OPCML: variants seen among roughly 807,000 people sequenced by gnomAD.
OPCML encodes opioid binding protein/cell adhesion molecule like.
In OPCML, 13 loss-of-function variants were observed where a neutral mutation model predicts 37.8. The observed-to-expected ratio is 0.34, with a 90% CI of 0.22 to 0.55. OPCML has a LOEUF of 0.55. OPCML is among the 20% of genes least tolerant of loss of function. The probability of loss-of-function intolerance (pLI) is 0.91; values close to 1 mark genes in which losing one functional copy is unlikely to be tolerated. For synonymous variants in OPCML, 176 were observed against 168.8 expected, an observed-to-expected ratio of 1.04 and a Z score of -0.33; for missense variants, 341 against 435.6, an observed-to-expected ratio of 0.78 and a Z score of 1.93.
chr11:133,055,284 C>T (rs1185021714), intron 1 of OPCML, among the ~76,000 whole-genome samples: 1 of 149,862 alleles, frequency 6.7e-6, no homozygotes, highest in Non-Finnish European at 1.5e-5. Flanking sequence ...GAGGGAGCCA[C>T]CTCTATCATA....
At chr11:133,451,051 G>A (rs1437302651) in intron 1 of OPCML, among the ~76,000 whole-genome samples, 1 of 151,596 alleles carries the variant, frequency 6.6e-6, no homozygotes, top group African/African-American at 2.4e-5. Flanking sequence ...TTTATATTGA[G>A]TGTTTATTTT....
At chr11:133,152,614 T>G (rs2137194648) in intron 1 of OPCML, among the ~76,000 whole-genome samples, 1 of 151,926 alleles carries the variant, frequency 6.6e-6, no homozygotes, top group South Asian at 2.1e-4. Context: ...ACTCTTTTCC[T>G]GGTGCAGAGA....
intron 3 of OPCML, among the ~76,000 whole-genome samples, chr11:132,533,393 A>G (rs1189208533): frequency 6.6e-6 from 1 of 152,218 alleles, no homozygotes; most frequent in Non-Finnish European, 1.5e-5. Flanking sequence ...TGATACATTG[A>G]CAGAGGTTGG....
intron 3 of OPCML, among the ~76,000 whole-genome samples, chr11:132,644,576 G>A (rs766179295): frequency 5.3e-5 from 8 of 152,242 alleles, no homozygotes; most frequent in South Asian, 2.1e-4. Context: ...AGCTGTTTAT[G>A]ATAAAAAGAG....
At chr11:133,337,029 C>T (rs577226980) in intron 1 of OPCML, among the ~76,000 whole-genome samples, 6 of 152,310 alleles carry the variant, frequency 3.9e-5, no homozygotes, top group African/African-American at 1.4e-4. Context: ...TGCAGAATGG[C>T]CTCACACAGG....
chr11:133,165,143 G>A (rs1250761660), intron 1 of OPCML, among the ~76,000 whole-genome samples: 1 of 152,246 alleles, frequency 6.6e-6, no homozygotes, highest in African/African-American at 2.4e-5. Context: ...CCGAGCCACA[G>A]TCCAGCAAGC....
intron 4 of OPCML, among the ~76,000 whole-genome samples, chr11:132,455,843 C>T (rs1383729862): frequency 2.6e-5 from 4 of 152,192 alleles, no homozygotes; most frequent in Non-Finnish European, 5.9e-5. Context: ...TCTCTGCCCT[C>T]ACACAGCTTA....
At chr11:132,737,681 T>C (rs946994904) in intron 2 of OPCML, among the ~76,000 whole-genome samples, 1 of 152,202 alleles carries the variant, frequency 6.6e-6, no homozygotes, top group Admixed American at 6.5e-5. Flanking sequence ...TTCCTTCTAC[T>C]TTTGAACAAT....
At chr11:133,496,211 A>G (rs949776047) in intron 1 of OPCML, among the ~76,000 whole-genome samples, 1 of 151,906 alleles carries the variant, frequency 6.6e-6, no homozygotes, top group African/African-American at 2.4e-5. Flanking sequence ...GTTGGCTATA[A>G]GTATTTGGGT....
chr11:133,271,410 A>G (rs545353020), intron 1 of OPCML, among the ~76,000 whole-genome samples: 2 of 152,320 alleles, frequency 1.3e-5, no homozygotes, highest in African/African-American at 4.8e-5. Context: ...TAAACTGAAA[A>G]CATGAAGGTA....
In OPCML at chr11:132,978,157, C is replaced by T. The variant is rs558934579; in HGVS notation, c.62-35147G>A. 4.2e-4 allele frequency among the ~76,000 whole-genome samples: 64 copies of T among 152,258 alleles called. No homozygotes were observed. In the South Asian group the frequency reaches 0.013, roughly 31 times the overall value. On this transcript the variant is annotated intron_variant, in intron 1 of 7. Coordinates refer to ENST00000524381, the MANE Select transcript of OPCML (RefSeq NM_001012393.5). ...GCAGACAGGGACATCACCTTCACAG[C>T]ACAGGTGATACAAAGAAACACAAGT...
intron 1 of OPCML, among the ~76,000 whole-genome samples, chr11:133,328,274 C>A (rs1157289152): frequency 6.6e-6 from 1 of 151,770 alleles, no homozygotes; most frequent in Non-Finnish European, 1.5e-5. Flanking sequence ...TCTCCTGCCT[C>A]AGCCTCCCAA....
chr11:133,459,096 G>A (rs1039592785), intron 1 of OPCML, among the ~76,000 whole-genome samples: 1 of 151,976 alleles, frequency 6.6e-6, no homozygotes, highest in Non-Finnish European at 1.5e-5. Context: ...TTGGGGAGGA[G>A]GAGCTGTAAA....
intron 1 of OPCML, among the ~76,000 whole-genome samples, chr11:133,431,960 A>G (rs1241066286): frequency 6.6e-6 from 1 of 152,076 alleles, no homozygotes; most frequent in Non-Finnish European, 1.5e-5. Flanking sequence ...TCTCTGGATA[A>G]GAGGAATCGT....
chr11:132,640,562 G>A (rs7130961), intron 3 of OPCML, among the ~76,000 whole-genome samples: 75,163 of 151,976 alleles, frequency 0.49, 18,718 homozygotes, highest in Middle Eastern at 0.58. Context: ...CATGCCAGAC[G>A]CATTCAATAA....
rs1467721389 is a variant in OPCML at position 133,055,345 on chromosome 11, A to G, written c.62-112335T>C. On this transcript the variant is annotated intron_variant, in intron 1 of 7. Transcript: ENST00000524381. ...AGTAGTGAGACTCCATGAGGGAGCC[A>G]CCTCTACTGTACAATGCTGCCTCCA... is the stretch of plus-strand genomic sequence containing the variant. Among the ~76,000 whole-genome samples the G allele has an allele frequency of 1.4e-3, 188 of 137,868 alleles. 3 individuals carry two copies. The highest frequency in any genetic ancestry group is 4.7e-4 in the Non-Finnish European group (30 of 64,198). 90.4% of individuals were successfully genotyped at this position (137,868 alleles called of 152,430 possible).
intron 3 of OPCML, among the ~76,000 whole-genome samples, chr11:132,614,930 T>C (rs1236431460): frequency 1.3e-5 from 2 of 152,248 alleles, no homozygotes; most frequent in African/African-American, 4.8e-5. Context: ...GCCACTGTAC[T>C]GCCTGACAGT....
chr11:132,443,936 C>A (rs538408496), intron 4 of OPCML, among the ~76,000 whole-genome samples: 1 of 152,286 alleles, frequency 6.6e-6, no homozygotes, highest in East Asian at 1.9e-4. Flanking sequence ...GGCTACAATC[C>A]CCACTTGGGA....
intron 4 of OPCML, among the ~76,000 whole-genome samples, chr11:132,481,629 C>T (rs1245175620): frequency 6.6e-6 from 1 of 151,424 alleles, no homozygotes; most frequent in African/African-American, 2.4e-5. Flanking sequence ...TTTTTCAGCA[C>T]CACACCACAC....
Sources: gnomAD v4.1 joint callset for allele counts (sites outside exome capture counted in the v4.1 genomes callset) on GRCh38, gnomAD v4.1.1 for gene constraint, MANE v1.5 for transcripts, NCBI Gene and HGNC (gene_info 2026-07-23, HGNC 2026-07-21) for gene names.